Variants in VIT observed in about 807,000 individuals in gnomAD.
The protein encoded by VIT is vitrin.
In VIT, 99 loss-of-function variants were observed where a neutral mutation model predicts 78.0. The ratio of observed to expected loss-of-function variants is 1.27; its 90% CI spans 1.08 to 1.50. The LOEUF (loss-of-function observed/expected upper bound fraction) is 1.50. Ranked by LOEUF, VIT falls within the 40% of genes most tolerant of loss-of-function variation. VIT has a pLI of 0.00. For missense variants in VIT, 1,126 were observed against 875.3 expected (o/e 1.29, Z -3.61); for synonymous variants, 374 against 334.3 (o/e 1.12, Z -1.29).
intron 4 of VIT, among the ~76,000 whole-genome samples, chr2:36,754,218 G>A (rs944017689): frequency 6.6e-6 from 1 of 152,164 alleles, no homozygotes; most frequent in African/African-American, 2.4e-5. Flanking sequence ...GAAGGGTGTT[G>A]ATGGGGAGAA....
chr2:36,780,425 G>A (rs1664669455), intron 9 of VIT, among the ~76,000 whole-genome samples: 2 of 152,314 alleles, frequency 1.3e-5, no homozygotes, highest in African/African-American at 4.8e-5. Flanking sequence ...AGTAGGTGGC[G>A]ATAAAGTAAT....
Position 36,808,946 on chromosome 2 carries a change from G to A in VIT, c.1864G>A (p.Asp622Asn), listed in dbSNP as rs376854697. 52 of 1,606,262 alleles carry A rather than the reference G, an allele frequency of 3.2e-5. No homozygotes were observed. The highest frequency in any genetic ancestry group is 3.8e-5 in the Non-Finnish European group (45 of 1,174,980). The change falls in exon 15 of 16, where the codon GAC (aspartate) becomes AAC (asparagine). Residue 622 changes from aspartate to asparagine, a missense_variant. Asp to Asn is a conservative substitution (Grantham distance 23, BLOSUM62 1). Transcript: ENST00000379242. Reference protein sequence around the residue: ...MILITDGRSYDDVRIPAMAAH... With the variant: ...MILITDGRSYNDVRIPAMAAH... ...CCTCATCACCGACGGGAGGTCCTAC[G>A]ACGACGTCCGGATCCCAGCCATGGC...
chr2:36,759,334 T>C, intron 6 of VIT: 1 of 1,427,596 alleles, frequency 7.0e-7, no homozygotes, highest in African/African-American at 1.4e-5. Context: ...TATTGTTGCT[T>C]TAGAAAATGA....
intron 1 of VIT, among the ~76,000 whole-genome samples, chr2:36,702,257 C>A (rs1665106582): frequency 6.6e-6 from 1 of 151,986 alleles, no homozygotes; most frequent in South Asian, 2.1e-4. Flanking sequence ...AAAGGGAAGC[C>A]CAAGGGTGCG....
chr2:36,809,017 G>A, intron 15 of VIT, 32 bp downstream of exon 15: 1 of 1,535,310 alleles, frequency 6.5e-7, no homozygotes, highest in Non-Finnish European at 8.8e-7. Context: ...GCCTGGTGCT[G>A]AGGCTGCTTT....
chr2:36,773,592 C>T (rs114984526), intron 7 of VIT, among the ~76,000 whole-genome samples, 199 bp from the exon 8 acceptor site: 1,784 of 152,138 alleles, frequency 0.012, 52 homozygotes, highest in African/African-American at 0.04. Flanking sequence ...TTAGTTGAGC[C>T]TAGTGGTACG....
intron 13 of VIT, 73 bp from the exon 14 acceptor site, chr2:36,805,365 G>T: frequency 2.2e-6 from 3 of 1,360,482 alleles, no homozygotes; most frequent in Non-Finnish European, 3.0e-6. Context: ...GGACCTCTTT[G>T]TGCTGCTGTG....
At position 36,814,481 on chromosome 2, in the gene VIT, T is replaced by G; in HGVS notation, c.*120T>G. 8.3e-7 allele frequency: 1 copy of G among 1,197,968 alleles called. No homozygotes were observed. Among genetic ancestry groups the G allele is most frequent in the Non-Finnish European group, 1.1e-6 (1 of 879,436 alleles). The allele number at this position is 1,197,968 out of a possible 1,614,324, so 74.2% of individuals were successfully genotyped here. A position where few individuals can be genotyped will look rare whatever the true frequency, so the allele number is the denominator to read the frequency against. On this transcript the variant is annotated 3_prime_UTR_variant, in exon 16 of 16. Transcript: ENST00000379242. ...CTTGGGCAGGGCATGGAGAAACAAATGTCTTGTTATTATTCTTTGCCATCA... is the reference window on the plus strand; with the variant it reads ...CTTGGGCAGGGCATGGAGAAACAAAGGTCTTGTTATTATTCTTTGCCATCA...
chr2:36,771,616 A>G (rs967550148), intron 7 of VIT, among the ~76,000 whole-genome samples: 1 of 152,098 alleles, frequency 6.6e-6, no homozygotes, highest in Non-Finnish European at 1.5e-5. Flanking sequence ...ACAAAATATC[A>G]TTTCTCAGCA....
rs530913152 is a variant in VIT, at chr2:36,769,895, A to G, written c.679+2610A>G. Among the ~76,000 whole-genome samples, 55 of 152,338 alleles carry G rather than the reference A, an allele frequency of 3.6e-4. 1 individual carries two copies. In the South Asian group the frequency reaches 9.5e-3, roughly 26 times the overall value. Reference sequence around the variant, plus strand: ...AGCCAATTGACTTGCATGAATGCCTATCTTAAGGCTATAGATATTTGCTGT... The same window carrying G: ...AGCCAATTGACTTGCATGAATGCCTGTCTTAAGGCTATAGATATTTGCTGT... On this transcript the variant is annotated intron_variant, in intron 7 of 15. Coordinates refer to ENST00000379242, the MANE Select transcript of VIT (RefSeq NM_053276.4).
At chr2:36,811,902 C>G (rs1667201182) in intron 15 of VIT, among the ~76,000 whole-genome samples, 1 of 152,124 alleles carries the variant, frequency 6.6e-6, no homozygotes, top group South Asian at 2.1e-4. Flanking sequence ...TCTTGAACTC[C>G]TAACCTCAGG....
chr2:36,810,737 G>A (rs1013228908), intron 15 of VIT, among the ~76,000 whole-genome samples: 1 of 151,544 alleles, frequency 6.6e-6, no homozygotes, highest in East Asian at 1.9e-4. Context: ...GGATTCAAGC[G>A]ATTCTTCTGG....
At chr2:36,775,727 T>A (rs1017465770) in intron 9 of VIT, among the ~76,000 whole-genome samples, 3 of 152,070 alleles carry the variant, frequency 2.0e-5, no homozygotes, top group African/African-American at 7.3e-5. Flanking sequence ...CTCACCATCA[T>A]CCCTGCAACT....
chr2:36,765,414 CGAGA>C (rs71398212), intron 6 of VIT, among the ~76,000 whole-genome samples: 2 of 6,446 alleles, frequency 3.1e-4, no homozygotes, highest in African/African-American at 4.5e-4. Context: ...TGGCAGCAGG[CGAGA>C]GAGAGAGAGA....
At position 36,808,771 on chromosome 2, in the gene VIT, G is replaced by A. The variant is rs1022254459; in HGVS notation, c.1689G>A (p.Gly563=). 1 of 1,613,844 alleles carries A rather than the reference G, an allele frequency of 6.2e-7. No individual in the cohort carries two copies. The highest frequency in any genetic ancestry group is 1.3e-5 in the African/African-American group (1 of 74,916). The change falls in exon 15 of 16, where the codon GGG becomes GGA. Residue 563 remains glycine, a synonymous_variant. Transcript: ENST00000379242. ...CCTACGAACAGCGGCTGGAGTTTGG[G>A]TTCGACAAGTACAGCAGCAAGCCTG... The part of the protein sequence containing the change: ...QYTYEQRLEF[G]FDKYSSKPDI...
intron 1 of VIT, among the ~76,000 whole-genome samples, chr2:36,715,516 A>G (rs950319532): frequency 1.3e-5 from 2 of 151,996 alleles, no homozygotes; most frequent in Non-Finnish European, 2.9e-5. Flanking sequence ...AGCCTGGGTG[A>G]CAGAGTGAGA....
At chr2:36,812,277 A>G (rs1343141040) in intron 15 of VIT, among the ~76,000 whole-genome samples, 2 of 152,160 alleles carry the variant, frequency 1.3e-5, no homozygotes, top group Non-Finnish European at 2.9e-5. Flanking sequence ...AGGCACCCAG[A>G]AGATGCTGGA....
intron 11 of VIT, among the ~76,000 whole-genome samples, chr2:36,785,664 A>C (rs1665045088): frequency 6.6e-6 from 1 of 152,112 alleles, no homozygotes; most frequent in South Asian, 2.1e-4. Context: ...CAGGAGGTAA[A>C]AGCTTTTCTT....
chr2:36,699,993 GT>G (rs1367331787), intron 1 of VIT, among the ~76,000 whole-genome samples: 1 of 139,148 alleles, frequency 7.2e-6, no homozygotes, highest in African/African-American at 2.6e-5. Context: ...TGGCAAAGAG[GT>G]TTGATCAGTG....
Sources: allele counts gnomAD v4.1 joint callset (sites outside exome capture counted in the v4.1 genomes callset), GRCh38; gene constraint gnomAD v4.1.1; transcripts MANE v1.5; gene names NCBI Gene and HGNC (gene_info 2026-07-23, HGNC 2026-07-21).